ANKFN1: variants seen among roughly 807,000 people sequenced by gnomAD.
The protein encoded by ANKFN1 is ankyrin repeat and fibronectin type III domain containing 1, also known as ankyrin repeat and fibronectin type-III domain-containing protein 1.
ANKFN1 carries 74 observed loss-of-function variants against 108.7 expected under a neutral mutation model. That is an observed-to-expected ratio of 0.68 (90% CI 0.56 to 0.83). The LOEUF is 0.83. ANKFN1 is among the 40% of genes least tolerant of loss of function. ANKFN1 has a pLI of 0.00. For missense variants in ANKFN1, 1,505 were observed against 1,382.3 expected, an observed-to-expected ratio of 1.09 and a Z score of -1.41; for synonymous variants, 547 against 516.2, an observed-to-expected ratio of 1.06 and a Z score of -0.81.
chr17:56,448,924 A>G (rs8082447), intron 10 of ANKFN1, among the ~76,000 whole-genome samples, 155 bp from the exon 11 acceptor site: 11,766 of 152,200 alleles, frequency 0.077, 1,515 homozygotes, highest in African/African-American at 0.27. Flanking sequence ...GGCAGCTTCC[A>G]AATCCTTGGC....
intron 8 of ANKFN1, among the ~76,000 whole-genome samples, chr17:56,391,366 A>ATGTGTG (rs1161608458): frequency 1.3e-5 from 1 of 77,534 alleles, no homozygotes; most frequent in Non-Finnish European, 2.3e-5. Flanking sequence ...ATACATATAT[A>ATGTGTG]TATGTGTGTG....
At chr17:56,216,095 T>G (rs1420527386) in intron 2 of ANKFN1, among the ~76,000 whole-genome samples, 4 of 152,226 alleles carry the variant, frequency 2.6e-5, no homozygotes, top group Admixed American at 6.5e-5. Context: ...GAGAAAGAAC[T>G]TCAGTGGGGC....
At chr17:56,130,935 T>G (rs779260351) in intron 4 of ANKFN1, among the ~76,000 whole-genome samples, 53 of 97,630 alleles carry the variant, frequency 5.4e-4, no homozygotes, top group Non-Finnish European at 8.5e-4. Flanking sequence ...CTAACTTGAG[T>G]TTTTTTTTTT....
chr17:56,289,658 G>A (rs950837938), intron 3 of ANKFN1, among the ~76,000 whole-genome samples: 1 of 152,200 alleles, frequency 6.6e-6, no homozygotes, highest in African/African-American at 2.4e-5. Flanking sequence ...ATGCTTCAGG[G>A]CAGCTTACCC....
intron 2 of ANKFN1, among the ~76,000 whole-genome samples, chr17:56,222,014 G>C (rs975088867): frequency 6.6e-6 from 1 of 152,188 alleles, no homozygotes; most frequent in African/African-American, 2.4e-5. Context: ...CCCCACCCCA[G>C]ACCTTCCAAA....
intron 3 of ANKFN1, among the ~76,000 whole-genome samples, chr17:56,287,599 G>A (rs897747172): frequency 7.9e-5 from 12 of 152,094 alleles, no homozygotes; most frequent in Non-Finnish European, 1.6e-4. Context: ...AGAAGTAAAC[G>A]CTGATCTGGG....
chr17:56,246,746 A>AC (rs1372410196), intron 3 of ANKFN1, among the ~76,000 whole-genome samples: 1 of 152,174 alleles, frequency 6.6e-6, no homozygotes, highest in Non-Finnish European at 1.5e-5. Flanking sequence ...TAAAAAAAAA[A>AC]CGCAGGCCAT....
At chr17:56,404,423 T>G (rs1228568489) in intron 8 of ANKFN1, among the ~76,000 whole-genome samples, 1 of 152,202 alleles carries the variant, frequency 6.6e-6, no homozygotes, top group Non-Finnish European at 1.5e-5. Flanking sequence ...GCTCTGAATT[T>G]CTTTCTTTTA....
chr17:56,154,701 T>C (rs533737013), intron 1 of ANKFN1, among the ~76,000 whole-genome samples: 1 of 152,296 alleles, frequency 6.6e-6, no homozygotes, highest in South Asian at 2.1e-4. Flanking sequence ...AGTAAACCCT[T>C]TGGGGACAGG....
intron 3 of ANKFN1, among the ~76,000 whole-genome samples, chr17:56,282,240 G>C (rs911353735): frequency 6.6e-6 from 1 of 152,042 alleles, no homozygotes. Context: ...TACAGTATGA[G>C]TGCATTTATA....
intron 4 of ANKFN1, among the ~76,000 whole-genome samples, chr17:56,091,060 A>T (rs117074324): frequency 0.011 from 1,656 of 151,278 alleles, 88 homozygotes; most frequent in Non-Finnish European, 0.014. Context: ...TGCACTATTT[A>T]TTCTTGTTTT....
In ANKFN1 at chr17:56,492,223, T is replaced by C; in HGVS notation, c.2297T>C (p.Leu766Pro). The C allele has an allele frequency of 2.8e-6, 2 of 702,392 alleles. No individual in the cohort carries two copies. The highest frequency in any genetic ancestry group is 5.2e-6 in the Non-Finnish European group (2 of 384,554). 43.5% of individuals were successfully genotyped at this position (702,392 alleles called of 1,614,324 possible). A position where few individuals can be genotyped will look rare whatever the true frequency, so the allele number is the denominator to read the frequency against. Residue 766 changes from leucine (L) to proline (P), a missense_variant, in exon 19 of 21, where the codon CTG (leucine) becomes CCG (proline). Coordinates refer to ENST00000682825, the MANE Select transcript of ANKFN1 (RefSeq NM_001370326.1). ...FCSYREKFIS[L>P]YCRLSAVVEL... ...AGCTACAGAGAGAAATTTATTAGTCTGTATTGCCGCCTTTCTGCTGTTGTG... is the reference window on the plus strand; with the variant it reads ...AGCTACAGAGAGAAATTTATTAGTCCGTATTGCCGCCTTTCTGCTGTTGTG...
chr17:56,375,311 C>A (rs1324429834), intron 8 of ANKFN1, among the ~76,000 whole-genome samples: 1 of 151,942 alleles, frequency 6.6e-6, no homozygotes, highest in Non-Finnish European at 1.5e-5. Flanking sequence ...AAAGGACAGT[C>A]AACACAGGTA....
chr17:56,174,726 C>A (rs886663480), intron 1 of ANKFN1, among the ~76,000 whole-genome samples: 10 of 152,338 alleles, frequency 6.6e-5, no homozygotes, highest in African/African-American at 2.2e-4. Flanking sequence ...ACTCCCACGT[C>A]AGAGAATAAA....
At chr17:56,316,773 A>G (rs898686473) in intron 3 of ANKFN1, among the ~76,000 whole-genome samples, 7 of 152,122 alleles carry the variant, frequency 4.6e-5, no homozygotes, top group Non-Finnish European at 7.4e-5. Flanking sequence ...CACCCAAATC[A>G]CCACCCACTG....
At chr17:56,279,929 G>A (rs530797396) in intron 3 of ANKFN1, among the ~76,000 whole-genome samples, 3 of 151,808 alleles carry the variant, frequency 2.0e-5, no homozygotes, top group South Asian at 2.1e-4. Context: ...TAAAAGGAGA[G>A]CTTTTAAAAA....
chr17:56,429,702 A>G (rs2048691020), intron 8 of ANKFN1, among the ~76,000 whole-genome samples: 1 of 152,174 alleles, frequency 6.6e-6, no homozygotes, highest in African/African-American at 2.4e-5. Context: ...GTATTGTGAT[A>G]GGATTTATGC....
chr17:56,461,331 C>T (rs1046409128), intron 14 of ANKFN1, among the ~76,000 whole-genome samples: 20 of 152,142 alleles, frequency 1.3e-4, no homozygotes, highest in African/African-American at 4.6e-4. Context: ...TCTAGTCATG[C>T]CAATGACTTT....
chr17:56,198,316 A>G (rs1364087034), intron 1 of ANKFN1, among the ~76,000 whole-genome samples: 1 of 152,080 alleles, frequency 6.6e-6, no homozygotes, highest in Non-Finnish European at 1.5e-5. Flanking sequence ...TTCAGGATGA[A>G]ACTGTTCCAC....
Sources: allele counts gnomAD v4.1 joint callset (sites outside exome capture counted in the v4.1 genomes callset), GRCh38; gene constraint gnomAD v4.1.1; transcripts MANE v1.5; gene names NCBI Gene and HGNC (gene_info 2026-07-23, HGNC 2026-07-21).